MPHOSPH9: variants seen among roughly 807,000 people sequenced by gnomAD.
MPHOSPH9 encodes the protein M-phase phosphoprotein 9.
Under a neutral mutation model 145.5 loss-of-function variants are expected in MPHOSPH9, and 88 were observed. That is an observed-to-expected ratio of 0.60 (90% CI 0.51 to 0.72). MPHOSPH9 has a LOEUF of 0.72. MPHOSPH9 is among the 30% of genes least tolerant of loss of function. The probability of loss-of-function intolerance (pLI) is 0.00; values close to 1 mark genes in which losing one functional copy is unlikely to be tolerated. For synonymous variants in MPHOSPH9, 435 were observed against 486.2 expected (o/e 0.89, Z 1.39); for missense variants, 1,238 against 1,386.6 (o/e 0.89, Z 1.70).
intron 11 of MPHOSPH9, 46 bp downstream of exon 11, chr12:123,202,118 T>C (rs1357699735): frequency 2.0e-6 from 3 of 1,504,434 alleles, no homozygotes; most frequent in African/African-American, 1.4e-5. Context: ...GTGAAAATAA[T>C]ACATCCAAGG....
chr12:123,166,770 C>T lies in MPHOSPH9; in HGVS notation c.2476G>A (p.Val826Ile), dbSNP rs200560375. 3.7e-4 allele frequency: 596 copies of T among 1,613,438 alleles called. 1 individual carries two copies. Among genetic ancestry groups the T allele is most frequent in the Non-Finnish European group, 4.0e-4 (473 of 1,179,846 alleles). The change falls in exon 17 of 24, where the codon GTC (valine) becomes ATC (isoleucine). Residue 826 changes from valine (V) to isoleucine (I), a missense_variant. Coordinates refer to ENST00000606320, the MANE Select transcript of MPHOSPH9 (RefSeq NM_022782.4). Reference sequence around the variant, plus strand: ...GGAATCAGCCATTTCCGCCTGCTGACGTCTGAAGTTGCTAGTGTGCTATTA... The same window carrying T: ...GGAATCAGCCATTTCCGCCTGCTGATGTCTGAAGTTGCTAGTGTGCTATTA... ...SRANTLATSD[V>I]SRRKWLIPGA...
At chr12:123,238,477 A>G (rs1179400736) in intron 1 of MPHOSPH9, among the ~76,000 whole-genome samples, 2 of 152,056 alleles carry the variant, frequency 1.3e-5, no homozygotes, top group Non-Finnish European at 2.9e-5. Context: ...AATGTCATAT[A>G]AATAAGAAAC....
intron 8 of MPHOSPH9, among the ~76,000 whole-genome samples, chr12:123,206,365 G>A (rs776321791): frequency 9.2e-5 from 14 of 151,768 alleles, no homozygotes; most frequent in Non-Finnish European, 1.9e-4. Context: ...AGGAGGCTGA[G>A]GCAAGAGGAT....
intron 16 of MPHOSPH9, among the ~76,000 whole-genome samples, chr12:123,172,181 T>C (rs1288197447): frequency 2.6e-5 from 4 of 152,202 alleles, no homozygotes; most frequent in African/African-American, 9.6e-5. Context: ...GGCCAGAGAG[T>C]AAACACTTGA....
In MPHOSPH9 at chr12:123,191,796, C is replaced by T. The variant is rs140196835; in HGVS notation, c.2241+2590G>A. Among the ~76,000 whole-genome samples the T allele has an allele frequency of 2.4e-4, 36 of 152,286 alleles. No individual in the cohort carries two copies. In the East Asian group the frequency reaches 6.7e-3, roughly 29 times the overall value. The stretch of plus-strand genomic sequence containing the variant: ...CACGGGACCAGTCTGACATGTCTCC[C>T]ACTGGCCAAACTTGGGACACCATGA... On this transcript the variant is annotated intron_variant, in intron 13 of 23. Coordinates refer to ENST00000606320, the MANE Select transcript of MPHOSPH9 (RefSeq NM_022782.4).
intron 7 of MPHOSPH9, among the ~76,000 whole-genome samples, chr12:123,212,985 G>T (rs913588459): frequency 6.0e-5 from 9 of 149,990 alleles, no homozygotes; most frequent in Non-Finnish European, 1.2e-4. Context: ...TCAGCCTCTT[G>T]AGCAGCTGGG....
At chr12:123,169,006 TC>T (rs2044452301) in intron 16 of MPHOSPH9, among the ~76,000 whole-genome samples, 1 of 151,494 alleles carries the variant, frequency 6.6e-6, no homozygotes, top group Non-Finnish European at 1.5e-5. Flanking sequence ...TGCTTCAGAC[TC>T]CCGAGTAGCT....
chr12:123,157,207 G>A lies in MPHOSPH9; in HGVS notation c.3451-299C>T, dbSNP rs188974399. Among the ~76,000 whole-genome samples the A allele has an allele frequency of 3.2e-3, 483 of 152,210 alleles. 3 individuals are homozygous for A. Among genetic ancestry groups the A allele is most frequent in the African/African-American group, 0.011 (442 of 41,554 alleles). On this transcript the variant is annotated intron_variant, in intron 23 of 23. Transcript: ENST00000606320. Reference sequence around the variant, plus strand: ...TGGAAGAGGATAATTCTTTGGCTCTGCTGAAGTGAGAACAGTACAAGAGGA... The same window carrying A: ...TGGAAGAGGATAATTCTTTGGCTCTACTGAAGTGAGAACAGTACAAGAGGA...
intron 16 of MPHOSPH9, among the ~76,000 whole-genome samples, chr12:123,169,360 G>A (rs1157162934): frequency 6.6e-6 from 1 of 151,496 alleles, no homozygotes. Flanking sequence ...TTAGCCAGGT[G>A]TGGTGACGGG....
chr12:123,221,111 T>C (rs780334729), intron 5 of MPHOSPH9, among the ~76,000 whole-genome samples: 3 of 152,232 alleles, frequency 2.0e-5, no homozygotes, highest in Non-Finnish European at 4.4e-5. Context: ...ACTTCCACTA[T>C]TGATACAGTC....
chr12:123,212,460 C>CAGATCACCTGAGGT (rs2046770012), intron 7 of MPHOSPH9, among the ~76,000 whole-genome samples: 23 of 151,664 alleles, frequency 1.5e-4, no homozygotes, highest in Admixed American at 1.5e-3. Flanking sequence ...GAGGCTGAGG[C>CAGATCACCTGAGGT]GGGCAGATCA....
upstream of MPHOSPH9, among the ~76,000 whole-genome samples, chr12:123,235,420 G>C (rs565071879): frequency 6.6e-6 from 1 of 152,016 alleles, no homozygotes; most frequent in Non-Finnish European, 1.5e-5. Context: ...GTGTGTGTGT[G>C]TGTGACAGAG....
chr12:123,199,650 G>A lies in MPHOSPH9; in HGVS notation c.1938-1316C>T, dbSNP rs576625054. ...TCTACTAAAATACAAAAAATTAGCC[G>A]GGCATGGTGGCGGGCGCCTGTAGTC... On this transcript the variant is annotated intron_variant, in intron 11 of 23. Coordinates refer to ENST00000606320, the MANE Select transcript of MPHOSPH9 (RefSeq NM_022782.4). Among the ~76,000 whole-genome samples, 20 of 151,774 alleles carry A rather than the reference G, an allele frequency of 1.3e-4. No individual in the cohort carries two copies. The South Asian group carries it at 3.1e-3, about 24-fold the overall frequency.
At chr12:123,176,887 T>G (rs1474369083) in intron 15 of MPHOSPH9, 98 bp from the exon 16 acceptor site, 1 of 944,572 alleles carries the variant, frequency 1.1e-6, no homozygotes, top group Admixed American at 2.2e-5. Context: ...AAAAAATGGG[T>G]GGTAAAAGAG....
intron 16 of MPHOSPH9, among the ~76,000 whole-genome samples, chr12:123,173,722 G>C (rs969557037): frequency 6.6e-6 from 1 of 152,198 alleles, no homozygotes; most frequent in Admixed American, 6.5e-5. Context: ...TCACACCCCA[G>C]CTCTACTGGG....
intron 8 of MPHOSPH9, among the ~76,000 whole-genome samples, chr12:123,206,817 A>T (rs757238752): frequency 2.0e-5 from 3 of 151,902 alleles, no homozygotes; most frequent in Non-Finnish European, 4.4e-5. Context: ...AGGAGGCTGA[A>T]GCAGGAGAAT....
intron 13 of MPHOSPH9, among the ~76,000 whole-genome samples, chr12:123,191,984 C>T (rs564155991): frequency 2.7e-4 from 41 of 152,000 alleles, no homozygotes; most frequent in Admixed American, 1.2e-3. Flanking sequence ...GGCTGGGCAA[C>T]AGGGCAAGGA....
chr12:123,195,959 C>G (rs1351324668), intron 12 of MPHOSPH9, among the ~76,000 whole-genome samples: 1 of 151,524 alleles, frequency 6.6e-6, no homozygotes, highest in African/African-American at 2.4e-5. Flanking sequence ...CACTTCAGCC[C>G]AAGAGGTTGA....
chr12:123,165,588 G>A (rs2044285321), intron 17 of MPHOSPH9, 111 bp from the exon 18 acceptor site: 1 of 995,862 alleles, frequency 1.0e-6, no homozygotes, highest in South Asian at 1.6e-5. Context: ...ATGTGATGGT[G>A]TGTGGAGGTG....
Sources: allele counts gnomAD v4.1 joint callset (sites outside exome capture counted in the v4.1 genomes callset), GRCh38; gene constraint gnomAD v4.1.1; transcripts MANE v1.5; gene names NCBI Gene and HGNC (gene_info 2026-07-23, HGNC 2026-07-21).